BHLHE41: variants seen among roughly 807,000 people sequenced by gnomAD.
BHLHE41 encodes basic helix-loop-helix family member e41.
A neutral mutation model predicts 24.0 loss-of-function variants in BHLHE41; 14 were observed. The observed-to-expected ratio is 0.58, with a 90% CI of 0.39 to 0.91. The LOEUF is 0.91. BHLHE41 is among the 40% of genes least tolerant of loss of function. BHLHE41 has a pLI of 0.00. For synonymous variants in BHLHE41, 394 were observed against 315.5 expected (o/e 1.25, Z -2.64); for missense variants, 674 against 655.4 (o/e 1.03, Z -0.31).
rs1367344945 is a variant in BHLHE41, at chr12:26,122,273, G to A, written c.1242C>T (p.Cys414=). 1.6e-6 allele frequency: 2 copies of A among 1,212,986 alleles called. No homozygotes were observed. Among genetic ancestry groups the A allele is most frequent in the Admixed American group, 8.8e-5 (2 of 22,712 alleles). The allele number at this position is 1,212,986 out of a possible 1,614,324, so 75.1% of individuals were successfully genotyped here. Residue 414 remains cysteine (C), a synonymous_variant, in exon 5 of 5, where the codon TGC becomes TGT. Coordinates refer to ENST00000242728, the MANE Select transcript of BHLHE41 (RefSeq NM_030762.3). ...AAAAAAAAFP[C]LSSVLSPPPE... ...GAGGGGGCGACAACACCGAGGACAG[G>A]CAGGGGAACGCGGCGGCGGCGGCGG...
In BHLHE41 at chr12:26,122,630, GC is replaced by G. The variant is rs768631639; in HGVS notation, c.884del (p.Gly295AlafsTer22). On this transcript the variant is annotated frameshift_variant, in exon 5 of 5. Coordinates refer to ENST00000242728, the MANE Select transcript of BHLHE41 (RefSeq NM_030762.3). LOFTEE classifies it low-confidence loss of function (END_TRUNC). Reference sequence around the variant, plus strand: ...GCGCGGCTGCCGCCGCCGCCGCGCCGCCCCCCGGGCCGCCGCCGCTGCCGCC... The same window carrying G: ...GCGCGGCTGCCGCCGCCGCCGCGCCGCCCCCGGGCCGCCGCCGCTGCCGCC... Reference protein sequence around the residue: ...RGGGSGGGPGGGAAAAAAALL... With the variant: ...RGGGSGGGPGXGAAAAAAALL... 4.9e-6 allele frequency: 6 copies of G among 1,222,222 alleles called. No homozygotes were observed. The highest frequency in any genetic ancestry group is 5.1e-6 in the Non-Finnish European group (5 of 981,522). 75.7% of individuals were successfully genotyped at this position (1,222,222 alleles called of 1,614,324 possible).
At position 26,124,834 on chromosome 12, in the gene BHLHE41, C is replaced by G. The variant is rs1591840183; in HGVS notation, c.-55G>C. The G allele has an allele frequency of 6.3e-7, 1 of 1,576,988 alleles. No individual in the cohort carries two copies. The highest frequency in any genetic ancestry group is 8.7e-7 in the Non-Finnish European group (1 of 1,146,992). On this transcript the variant is annotated 5_prime_UTR_variant, in exon 1 of 5. Transcript: ENST00000242728. The stretch of plus-strand genomic sequence containing the variant: ...GATTTTTGGGGCTCTGTACAATAAT[C>G]TGTGGGACGGTAGGCTTGGGAGACC...
chr12:26,123,293 A>G (rs556477377), intron 4 of BHLHE41, 125 bp from the exon 5 acceptor site: 2 of 1,288,056 alleles, frequency 1.6e-6, no homozygotes, highest in East Asian at 2.5e-5. Context: ...GTTTTTCCCC[A>G]GTATTCAAGT....
Position 26,123,014 on chromosome 12 carries a change from G to A in BHLHE41, c.501C>T (p.His167=). The part of the protein sequence containing the change: ...PRCVQLINHL[H]AVATQFLPTP... ...TGGGCAAGAACTGGGTGGCCACGGC[G>A]TGCAAGTGGTTGATCAGCTGGACAC... Residue 167 remains histidine (H), a synonymous_variant, in exon 5 of 5, where the codon CAC becomes CAT. Coordinates refer to ENST00000242728, the MANE Select transcript of BHLHE41 (RefSeq NM_030762.3). The A allele has an allele frequency of 6.4e-7, 1 of 1,570,596 alleles. No homozygotes were observed. The highest frequency in any genetic ancestry group is 8.6e-7 in the Non-Finnish European group (1 of 1,157,260).
rs1320294571 is a variant in BHLHE41 at position 26,122,283 on chromosome 12, G to T, written c.1232C>A (p.Ala411Glu). 27 of 1,167,572 alleles carry T rather than the reference G, an allele frequency of 2.3e-5. No homozygotes were observed. The highest frequency in any genetic ancestry group is 2.8e-5 in the Non-Finnish European group (26 of 944,508). 72.3% of individuals were successfully genotyped at this position (1,167,572 alleles called of 1,614,324 possible). Residue 411 changes from alanine to glutamate, a missense_variant, in exon 5 of 5, where the codon GCG (alanine) becomes GAG (glutamate). This residue lies in a region of BHLHE41 where 602 missense variants were observed against 570.8 expected (regional missense o/e 1.05). Coordinates refer to ENST00000242728, the MANE Select transcript of BHLHE41 (RefSeq NM_030762.3). The stretch of plus-strand genomic sequence containing the variant: ...CAACACCGAGGACAGGCAGGGGAAC[G>T]CGGCGGCGGCGGCGGCAGCGGCGGC... The part of the protein sequence containing the change: ...AAAAAAAAAA[A>E]FPCLSSVLSP...
rs1944301193 is a variant in BHLHE41 at position 26,121,135 on chromosome 12, TTAA to T, written c.*928_*930del. On this transcript the variant is annotated 3_prime_UTR_variant, in exon 5 of 5. Coordinates refer to ENST00000242728, the MANE Select transcript of BHLHE41 (RefSeq NM_030762.3). ...TACAAAAATTTAGGAACATGATGGA[TTAA>T]TGAGAGTGGGAATAGATGCACTTGA... The T allele has an allele frequency of 1.3e-5, 2 of 152,358 alleles. No individual in the cohort carries two copies. The highest frequency in any genetic ancestry group is 2.1e-4 in the South Asian group (1 of 4,830). 9.4% of individuals were successfully genotyped at this position (152,358 alleles called of 1,614,324 possible).
chr12:26,124,430 A>G, intron 2 of BHLHE41, 89 bp downstream of exon 2: 1 of 1,409,578 alleles, frequency 7.1e-7, no homozygotes, highest in Non-Finnish European at 1.0e-6. Flanking sequence ...GGGCTGGAAT[A>G]TATTTGCGGG....
Position 26,122,904 on chromosome 12 carries a change from A to C in BHLHE41, c.611T>G (p.Leu204Arg), listed in dbSNP as rs1365784528. ...CTCCAGCTTCTGCCCCGCGCGCTCC[A>C]GGCAGGGGGCGGCCGCGGACCCGGC... ...SAAGSAAAPC[L>R]ERAGQKLEPL... The change falls in exon 5 of 5, where the codon CTG becomes CGG. Residue 204 changes from leucine (L) to arginine (R), a missense_variant. Leu to Arg is a moderately radical substitution (Grantham distance 102). This residue lies in a region of BHLHE41 where 602 missense variants were observed against 570.8 expected (regional missense o/e 1.05). Coordinates refer to ENST00000242728, the MANE Select transcript of BHLHE41 (RefSeq NM_030762.3). 3 of 1,549,018 alleles carry C rather than the reference A, an allele frequency of 1.9e-6. No homozygotes were observed. Among genetic ancestry groups the C allele is most frequent in the Non-Finnish European group, 2.6e-6 (3 of 1,146,420 alleles).
chr12:26,124,309 C>T lies in BHLHE41; in HGVS notation c.127-130G>A, dbSNP rs370653717. 1,373 of 640,594 alleles carry T rather than the reference C, an allele frequency of 2.1e-3. 22 individuals carry two copies. The highest frequency in any genetic ancestry group is 0.017 in the South Asian group (1,107 of 63,512). 39.7% of individuals were successfully genotyped at this position (640,594 alleles called of 1,614,324 possible). A position where few individuals can be genotyped will look rare whatever the true frequency, so the allele number is the denominator to read the frequency against. On this transcript the variant is annotated intron_variant, in intron 2 of 4. Transcript: ENST00000242728. ...TATGTGATAAACTACACCCAAGAAACCTCTTTCCTCTGGACTGTTCTGCAA... is the reference window on the plus strand; with the variant it reads ...TATGTGATAAACTACACCCAAGAAATCTCTTTCCTCTGGACTGTTCTGCAA...
At chr12:26,123,550 G>C in intron 4 of BHLHE41, 80 bp downstream of exon 4, 1 of 955,188 alleles carries the variant, frequency 1.0e-6, no homozygotes, top group South Asian at 1.3e-5. Context: ...GATGGGGTGC[G>C]GGTGAGGGAG....
Position 26,123,137 on chromosome 12 carries a change from G to A in BHLHE41, c.378C>T (p.Ser126=), listed in dbSNP as rs1490751572. The change falls in exon 5 of 5, where the codon TCC becomes TCT. Residue 126 remains serine (S), a synonymous_variant. Transcript: ENST00000242728. ...ATCCCGAGTGGAACGCATCCAAGTC[G>A]GACTGAATGGGCGATTTCAGAGATC... ...GERSLKSPIQ[S]DLDAFHSGFQ... 3 of 1,604,736 alleles carry A rather than the reference G, an allele frequency of 1.9e-6. No individual in the cohort carries two copies. Among genetic ancestry groups the A allele is most frequent in the Non-Finnish European group, 1.7e-6 (2 of 1,173,756 alleles).
At position 26,121,762 on chromosome 12, in the gene BHLHE41, AATTT is replaced by A. The variant is rs1202552567; in HGVS notation, c.*300_*303del. 14 of 468,732 alleles carry A rather than the reference AATTT, an allele frequency of 3.0e-5. No individual in the cohort carries two copies. The highest frequency in any genetic ancestry group is 4.9e-5 in the Non-Finnish European group (14 of 288,136). The allele number at this position is 468,732 out of a possible 1,614,324, so 29.0% of individuals were successfully genotyped here. A position where few individuals can be genotyped will look rare whatever the true frequency, so the allele number is the denominator to read the frequency against. On this transcript the variant is annotated 3_prime_UTR_variant, in exon 5 of 5. Transcript: ENST00000242728. Reference sequence around the variant, plus strand: ...TGGAACATGGCCTAAAAGGGGGCAAAATTTATTTGGGGGATTAAAAAAAAGAGCC... The same window carrying A: ...TGGAACATGGCCTAAAAGGGGGCAAAATTTGGGGGATTAAAAAAAAGAGCC...
Position 26,124,866 on chromosome 12 carries a change from G to T in BHLHE41, c.-87C>A. ...ACGGTAGGCTTGGGAGACCTTGGGG[G>T]GATCTGTGCGTCTCCAGTCTCTCTC... is the stretch of plus-strand genomic sequence containing the variant. On this transcript the variant is annotated 5_prime_UTR_variant, in exon 1 of 5. Transcript: ENST00000242728. The T allele has an allele frequency of 7.8e-7, 1 of 1,276,944 alleles. No homozygotes were observed. The highest frequency in any genetic ancestry group is 1.1e-6 in the Non-Finnish European group (1 of 877,764). 79.1% of individuals were successfully genotyped at this position (1,276,944 alleles called of 1,614,324 possible).
chr12:26,123,914 G>T, intron 3 of BHLHE41, 158 bp downstream of exon 3: 1 of 741,462 alleles, frequency 1.3e-6, no homozygotes, highest in Non-Finnish European at 2.4e-6. Context: ...GCCTTCAGCT[G>T]GGAGCACCTA....
chr12:26,123,586 G>T, intron 4 of BHLHE41, 44 bp downstream of exon 4: 1 of 1,388,702 alleles, frequency 7.2e-7, no homozygotes, highest in Non-Finnish European at 1.0e-6. Context: ...CCTGTGGGCT[G>T]CCCCGCTTCA....
intron 4 of BHLHE41, 24 bp downstream of exon 4, chr12:26,123,606 G>T: frequency 6.5e-7 from 1 of 1,536,934 alleles, no homozygotes; most frequent in Non-Finnish European, 9.0e-7. Flanking sequence ...ATCAGGGTAG[G>T]CTGGCCTCCC....
At chr12:26,124,253 G>GGGGGGGGGGGGGGGGGC in intron 2 of BHLHE41, 74 bp from the exon 3 acceptor site, 2 of 785,892 alleles carry the variant, frequency 2.5e-6, no homozygotes, top group Admixed American at 2.1e-5. Context: ...ACCCTCGTCT[G>GGGGGGGGGGGGGGGGGC]CCCCCCCCGC....
At position 26,124,856 on chromosome 12, in the gene BHLHE41, G is replaced by T; in HGVS notation, c.-77C>A. On this transcript the variant is annotated 5_prime_UTR_variant, in exon 1 of 5. Coordinates refer to ENST00000242728, the MANE Select transcript of BHLHE41 (RefSeq NM_030762.3). ...AATCTGTGGGACGGTAGGCTTGGGA[G>T]ACCTTGGGGGGATCTGTGCGTCTCC... 1.4e-6 allele frequency: 2 copies of T among 1,389,548 alleles called. No individual in the cohort carries two copies. Among genetic ancestry groups the T allele is most frequent in the South Asian group, 1.2e-5 (1 of 86,582 alleles). 86.1% of individuals were successfully genotyped at this position (1,389,548 alleles called of 1,614,324 possible).
intron 3 of BHLHE41, 117 bp from the exon 4 acceptor site, chr12:26,123,858 TTTTAC>T (rs1475658826): frequency 7.4e-6 from 6 of 814,754 alleles, no homozygotes; most frequent in Non-Finnish European, 1.3e-5. Flanking sequence ...AGTACTGTTC[TTTTAC>T]TTCTTGAGCT....
Sources: gnomAD v4.1 joint callset for allele counts on GRCh38, gnomAD v4.1.1 for gene constraint, gnomAD v4.1.1 regional missense constraint, MANE v1.5 for transcripts, NCBI Gene and HGNC (gene_info 2026-07-23, HGNC 2026-07-21) for gene names.